LPP: variants seen among roughly 807,000 people sequenced by gnomAD.
The protein encoded by LPP is LIM domain containing preferred translocation partner in lipoma.
Under a neutral mutation model 60.4 loss-of-function variants are expected in LPP, and 38 were observed. The observed-to-expected ratio is 0.63, with a 90% CI of 0.49 to 0.83. LPP has a LOEUF of 0.83. Among genes scored for constraint, LPP ranks in the 40% least tolerant of loss-of-function variants. The pLI is 0.00. For synonymous variants in LPP, 328 were observed against 290.8 expected, an observed-to-expected ratio of 1.13 and a Z score of -1.30; for missense variants, 902 against 783.6, an observed-to-expected ratio of 1.15 and a Z score of -1.80.
rs112116433 is a variant in LPP, at chr3:188,255,973, C to T, written c.-67+30446C>T. Among the ~76,000 whole-genome samples the T allele has an allele frequency of 4.7e-3, 712 of 152,176 alleles. 7 individuals are homozygous for T. The highest frequency in any genetic ancestry group is 0.011 in the Admixed American group (167 of 15,282). ...AGCATAAAAATGTTGGCAATGAATA[C>T]GTATATTTTTCAAATTTGTTGTTAA... On this transcript the variant is annotated intron_variant, in intron 2 of 11. Transcript: ENST00000617246.
chr3:188,512,690 T>C (rs970028916), intron 5 of LPP, among the ~76,000 whole-genome samples: 19 of 152,198 alleles, frequency 1.2e-4, no homozygotes, highest in African/African-American at 4.3e-4. Context: ...TGAATACTTT[T>C]TTATGGTTTC....
intron 9 of LPP, among the ~76,000 whole-genome samples, chr3:188,828,492 G>A (rs974247585): frequency 6.6e-6 from 1 of 151,204 alleles, no homozygotes; most frequent in Non-Finnish European, 1.5e-5. Flanking sequence ...GCGGGCACCT[G>A]TAATCCTAGC....
At chr3:188,227,619 G>A (rs1718308037) in intron 2 of LPP, among the ~76,000 whole-genome samples, 1 of 152,090 alleles carries the variant, frequency 6.6e-6, no homozygotes, top group Admixed American at 6.6e-5. Flanking sequence ...GAGGTCATGT[G>A]AGCCTCAGGC....
chr3:188,557,220 A>G (rs1424842568), intron 6 of LPP, among the ~76,000 whole-genome samples: 6 of 152,108 alleles, frequency 3.9e-5, no homozygotes, highest in African/African-American at 1.4e-4. Flanking sequence ...CGTTACAAAA[A>G]AAAAGATGGT....
chr3:188,220,066 G>T (rs755975521), intron 1 of LPP, among the ~76,000 whole-genome samples: 6 of 152,124 alleles, frequency 3.9e-5, no homozygotes, highest in African/African-American at 9.7e-5. Flanking sequence ...TTTGAATCCC[G>T]GCTGTGATAC....
intron 9 of LPP, among the ~76,000 whole-genome samples, chr3:188,760,740 G>C (rs997044630): frequency 2.0e-5 from 3 of 152,066 alleles, no homozygotes; most frequent in Admixed American, 6.6e-5. Context: ...AGAATACTGG[G>C]CCCTTTGAGT....
chr3:188,172,640 G>A (rs1378278641), intron 1 of LPP, among the ~76,000 whole-genome samples: 1 of 151,972 alleles, frequency 6.6e-6, no homozygotes, highest in East Asian at 1.9e-4. Context: ...AATTGTACAG[G>A]GAATTTTCAT....
intron 6 of LPP, among the ~76,000 whole-genome samples, chr3:188,537,226 T>C (rs1189317159): frequency 6.6e-6 from 1 of 152,170 alleles, no homozygotes; most frequent in Non-Finnish European, 1.5e-5. Flanking sequence ...AGTGGTCTGT[T>C]TGCAGCTGTG....
intron 8 of LPP, among the ~76,000 whole-genome samples, chr3:188,749,794 A>G (rs1175550724): frequency 2.0e-5 from 3 of 152,176 alleles, no homozygotes; most frequent in African/African-American, 7.2e-5. Context: ...TTCAGTCTTT[A>G]TATATCACAA....
chr3:188,820,093 G>A (rs1753554837), intron 9 of LPP, among the ~76,000 whole-genome samples: 1 of 152,204 alleles, frequency 6.6e-6, no homozygotes, highest in South Asian at 2.1e-4. Context: ...AATAGGGTTA[G>A]TTTTGTTTTT....
chr3:188,314,795 G>T (rs999602944), intron 2 of LPP, among the ~76,000 whole-genome samples: 1 of 152,142 alleles, frequency 6.6e-6, no homozygotes, highest in African/African-American at 2.4e-5. Context: ...CTCCAGCCTG[G>T]CGACAGAGAG....
chr3:188,228,114 C>T (rs1245205721), intron 2 of LPP, among the ~76,000 whole-genome samples: 1 of 152,212 alleles, frequency 6.6e-6, no homozygotes, highest in African/African-American at 2.4e-5. Flanking sequence ...TCTGAAAAGG[C>T]ATCAGCCAGC....
intron 4 of LPP, among the ~76,000 whole-genome samples, chr3:188,433,885 A>T (rs1791638815): frequency 6.6e-6 from 1 of 151,478 alleles, no homozygotes; most frequent in African/African-American, 2.4e-5. Context: ...TCAGAAAGAG[A>T]GAAAGAGGCA....
At position 188,792,323 on chromosome 3, in the gene LPP, T is replaced by C. The variant is rs549183437; in HGVS notation, c.1410+32041T>C. 4.6e-5 allele frequency among the ~76,000 whole-genome samples: 7 copies of C among 152,348 alleles called. No homozygotes were observed. In the East Asian group the frequency reaches 1.2e-3, roughly 25 times the overall value. ...TGGATTCAGCCTGTGACAGTCAACA[T>C]TTACAGCCCTTGGGAGCAGCTCCAT... On this transcript the variant is annotated intron_variant, in intron 9 of 11. Transcript: ENST00000617246.
chr3:188,288,627 T>C (rs1464385888), intron 2 of LPP, among the ~76,000 whole-genome samples: 1 of 152,122 alleles, frequency 6.6e-6, no homozygotes, highest in Non-Finnish European at 1.5e-5. Context: ...CACCTGTCTA[T>C]ACACATACGT....
rs180697716 is a variant in LPP at position 188,413,197 on chromosome 3, C to T, written c.193+6884C>T. On this transcript the variant is annotated intron_variant, in intron 4 of 11. Transcript: ENST00000617246. ...ATTATATTTAAAGGAATAATTTAGACTGGATTTTCCCCATTATTTTTGCTG... is the reference window on the plus strand; with the variant it reads ...ATTATATTTAAAGGAATAATTTAGATTGGATTTTCCCCATTATTTTTGCTG... 5.3e-4 allele frequency among the ~76,000 whole-genome samples: 80 copies of T among 152,250 alleles called. 2 individuals are homozygous for T. Among genetic ancestry groups the T allele is most frequent in the Non-Finnish European group, 1.3e-4 (9 of 68,012 alleles).
rs1833699982 is a variant in LPP at position 188,572,245 on chromosome 3, C to A, written c.430-36916C>A. Among the ~76,000 whole-genome samples the A allele has an allele frequency of 6.6e-6, 1 of 151,878 alleles. No individual in the cohort carries two copies. The highest frequency in any genetic ancestry group is 2.1e-4 in the South Asian group (1 of 4,820). ...TAAAAAAACTATGGATAATTTTAAG[C>A]CATTTATTTCAACAAACATGTAATA... is the stretch of plus-strand genomic sequence containing the variant. On this transcript the variant is annotated intron_variant, in intron 6 of 11. Coordinates refer to ENST00000617246, the MANE Select transcript of LPP (RefSeq NM_001375462.1). This position sits in a 1 kb window ranked among gnomAD's most constrained non-coding sequence, Gnocchi z 4.1.
intron 8 of LPP, among the ~76,000 whole-genome samples, chr3:188,716,314 C>T (rs773954484): frequency 6.6e-5 from 10 of 152,176 alleles, no homozygotes; most frequent in Non-Finnish European, 1.2e-4. Context: ...GTGCTATGAT[C>T]GGTCACTTTA....
chr3:188,616,623 G>T (rs537032619), intron 7 of LPP, among the ~76,000 whole-genome samples: 4 of 151,862 alleles, frequency 2.6e-5, no homozygotes, highest in African/African-American at 9.7e-5. Flanking sequence ...TTTAGCATCA[G>T]TTTGTTGTTG....
Sources: allele counts gnomAD v4.1 joint callset (sites outside exome capture counted in the v4.1 genomes callset), GRCh38; gene constraint gnomAD v4.1.1; non-coding constraint Gnocchi (gnomAD v3.1); transcripts MANE v1.5; gene names NCBI Gene and HGNC (gene_info 2026-07-23, HGNC 2026-07-21).